The following IGSF9B variants were observed in gnomAD, a reference collection of about 807,000 sequenced individuals.
The protein encoded by IGSF9B is protein turtle homolog B.
Under a neutral mutation model 143.7 loss-of-function variants are expected in IGSF9B, and 48 were observed. The observed-to-expected ratio is 0.33, with a 90% CI of 0.26 to 0.42. The LOEUF (loss-of-function observed/expected upper bound fraction) is 0.42. Ranked by LOEUF, IGSF9B falls within the 20% of genes least tolerant of loss-of-function variation. The pLI is 1.00. For missense variants in IGSF9B, 1,706 were observed against 1,980.0 expected (o/e 0.86, Z 2.63); for synonymous variants, 903 against 833.1 (o/e 1.08, Z -1.44).
chr11:133,930,347 G>A (rs1418731620), intron 11 of IGSF9B, among the ~76,000 whole-genome samples: 4 of 152,076 alleles, frequency 2.6e-5, no homozygotes, highest in African/African-American at 7.2e-5. Flanking sequence ...ACCCCAGCTC[G>A]CACCTCCCGA....
Position 133,908,336 on chromosome 11 carries a change from T to C in IGSF9B, c.*733A>G, listed in dbSNP as rs141433513. On this transcript the variant is annotated 3_prime_UTR_variant, in exon 20 of 20. Transcript: ENST00000533871. ...GCAGTAACTCATTACTGAACCCCCA[T>C]AGAAGGCAGCCGGTAATCACAGCAA... Among the ~76,000 whole-genome samples the C allele has an allele frequency of 1.9e-3, 286 of 152,002 alleles. 1 individual carries two copies. Among genetic ancestry groups the C allele is most frequent in the African/African-American group, 6.5e-3 (270 of 41,454 alleles).
intron 4 of IGSF9B, 76 bp from the exon 5 acceptor site, chr11:133,937,569 G>A: frequency 8.1e-7 from 1 of 1,229,410 alleles, no homozygotes; most frequent in Non-Finnish European, 1.2e-6. Flanking sequence ...CGGAGATGCA[G>A]TCGGAGACAC....
At position 133,900,730 on chromosome 11, in the gene IGSF9B, A is replaced by G. The variant is rs1007193003; in HGVS notation, c.*8339T>C. The G allele has an allele frequency of 2.0e-5, 3 of 152,300 alleles. No homozygotes were observed. Among genetic ancestry groups the G allele is most frequent in the Non-Finnish European group, 2.9e-5 (2 of 68,044 alleles). The allele number at this position is 152,300 out of a possible 1,614,324, so 9.4% of individuals were successfully genotyped here. On this transcript the variant is annotated 3_prime_UTR_variant, in exon 20 of 20. Transcript: ENST00000533871. The stretch of plus-strand genomic sequence containing the variant: ...AATTAAAAATAACTGAAAAAAACAT[A>G]GATGACATATTTATACTACATACCA...
At chr11:133,919,509 G>A (rs994124219) in intron 18 of IGSF9B, among the ~76,000 whole-genome samples, 2 of 152,198 alleles carry the variant, frequency 1.3e-5, no homozygotes, top group Non-Finnish European at 1.5e-5. Flanking sequence ...AGGGCTTGCC[G>A]GAGAAGACGC....
chr11:133,918,586 G>T (rs889201119), intron 18 of IGSF9B, among the ~76,000 whole-genome samples: 2 of 152,174 alleles, frequency 1.3e-5, no homozygotes, highest in Non-Finnish European at 2.9e-5. Flanking sequence ...CCCCTTCCTC[G>T]GCCGGCCCCG....
chr11:133,941,323 T>C (rs1204266318), intron 3 of IGSF9B, among the ~76,000 whole-genome samples: 1 of 152,224 alleles, frequency 6.6e-6, no homozygotes, highest in Non-Finnish European at 1.5e-5. Context: ...TGGGGTATTT[T>C]ATATGTGATA....
chr11:133,935,993 G>T, intron 6 of IGSF9B, 60 bp downstream of exon 6: 1 of 1,581,936 alleles, frequency 6.3e-7, no homozygotes, highest in Non-Finnish European at 8.6e-7. Flanking sequence ...TCTGCTCAGG[G>T]GCCCTGCCCG....
At chr11:133,919,407 C>T (rs532014643) in intron 18 of IGSF9B, among the ~76,000 whole-genome samples, 264 of 152,298 alleles carry the variant, frequency 1.7e-3, no homozygotes, top group African/African-American at 6.0e-3. Context: ...ACTCGGAGAG[C>T]CGTCAACTCC....
chr11:133,954,577 T>G (rs566232595), intron 1 of IGSF9B, among the ~76,000 whole-genome samples: 1 of 152,310 alleles, frequency 6.6e-6, no homozygotes, highest in Non-Finnish European at 1.5e-5. Flanking sequence ...GTTGTTTTGT[T>G]TCCTTATAAC....
intron 3 of IGSF9B, among the ~76,000 whole-genome samples, chr11:133,942,701 G>A (rs560489112): frequency 7.2e-5 from 11 of 152,162 alleles, no homozygotes; most frequent in African/African-American, 1.9e-4. Context: ...AGGTTTTAGC[G>A]GCAGATTTGC....
At chr11:133,951,204 G>C (rs553067172) in intron 1 of IGSF9B, among the ~76,000 whole-genome samples, 5 of 152,314 alleles carry the variant, frequency 3.3e-5, no homozygotes, top group East Asian at 1.9e-4. Context: ...CCAAAACGCC[G>C]ACGGTGTCCT....
Position 133,931,155 on chromosome 11 carries a change from G to A in IGSF9B, c.1369-21C>T. ...CCTACCTTGGTGAACAAGGGGCAGGGAAGAGGGTGGGAACAGAAATGGGGG... is the reference window on the plus strand; with the variant it reads ...CCTACCTTGGTGAACAAGGGGCAGGAAAGAGGGTGGGAACAGAAATGGGGG... On this transcript the variant is annotated intron_variant, in intron 10 of 19. Coordinates refer to ENST00000533871, the MANE Select transcript of IGSF9B (RefSeq NM_001277285.4). The surrounding 1 kb of genome is among the most constrained non-coding windows in gnomAD (Gnocchi z 7.7). The A allele has an allele frequency of 6.2e-7, 1 of 1,604,436 alleles. No individual in the cohort carries two copies. The highest frequency in any genetic ancestry group is 8.5e-7 in the Non-Finnish European group (1 of 1,174,082).
intron 1 of IGSF9B, among the ~76,000 whole-genome samples, chr11:133,946,972 CA>C (rs1186617373): frequency 6.6e-6 from 1 of 152,208 alleles, no homozygotes; most frequent in Non-Finnish European, 1.5e-5. Flanking sequence ...GGGAGGGGCC[CA>C]AGCCCCAGAC....
chr11:133,940,194 AAC>A (rs1239716365), intron 3 of IGSF9B, among the ~76,000 whole-genome samples: 34 of 130,264 alleles, frequency 2.6e-4, no homozygotes, highest in African/African-American at 5.4e-4. Flanking sequence ...CGCACGCAAA[AAC>A]ACACACCTCG....
At chr11:133,940,678 C>T (rs1461163341) in intron 3 of IGSF9B, among the ~76,000 whole-genome samples, 4 of 149,448 alleles carry the variant, frequency 2.7e-5, no homozygotes, top group African/African-American at 9.9e-5. Context: ...CACGTCCTCG[C>T]ACGTGTCATC....
intron 3 of IGSF9B, 25 bp downstream of exon 3, chr11:133,944,195 A>G (rs372957200): frequency 6.2e-5 from 98 of 1,576,534 alleles, no homozygotes; most frequent in Non-Finnish European, 8.3e-5. Context: ...GGTGAGGTGG[A>G]CCCACCCTGG....
rs1037225613 is a variant in IGSF9B, at chr11:133,931,909, C to T, written c.1111-114G>A. On this transcript the variant is annotated intron_variant, in intron 8 of 19. Transcript: ENST00000533871. The surrounding 1 kb of genome is among the most constrained non-coding windows in gnomAD (Gnocchi z 7.7). ...GCAGGATAGTACAGGAGCTCCAGCCCGGGGCGGGCGGCACCCGCAGACCCC... is the reference window on the plus strand; with the variant it reads ...GCAGGATAGTACAGGAGCTCCAGCCTGGGGCGGGCGGCACCCGCAGACCCC... 4.4e-5 allele frequency: 66 copies of T among 1,509,028 alleles called. No homozygotes were observed. Among genetic ancestry groups the T allele is most frequent in the African/African-American group, 1.5e-4 (11 of 71,036 alleles). 93.5% of individuals were successfully genotyped at this position (1,509,028 alleles called of 1,614,324 possible).
At chr11:133,917,242 C>T (rs1180799233) in intron 18 of IGSF9B, among the ~76,000 whole-genome samples, 1 of 152,184 alleles carries the variant, frequency 6.6e-6, no homozygotes, top group Non-Finnish European at 1.5e-5. Context: ...GCGGCAGCAC[C>T]TTGTCAGGCT....
At position 133,911,982 on chromosome 11, in the gene IGSF9B, C is replaced by T. The variant is rs113340055; in HGVS notation, c.4009G>A (p.Ala1337Thr). 1.8e-3 allele frequency: 2,788 copies of T among 1,532,606 alleles called. 41 individuals are homozygous for T. The African/African-American group carries it at 0.034, about 19-fold the overall frequency. The allele number at this position is 1,532,606 out of a possible 1,614,324, so 94.9% of individuals were successfully genotyped here. A position where few individuals can be genotyped will look rare whatever the true frequency, so the allele number is the denominator to read the frequency against. ...GCCTCCAGCCTCTCAGGCGCAGCAG[C>T]GTTCCCGGGTGCAGGTGGAAGTGTT... Reference protein sequence around the residue: ...SGTLPPAPGNAAAPERLEALK... With the variant: ...SGTLPPAPGNTAAPERLEALK... Residue 1337 changes from alanine to threonine, a missense_variant, in exon 19 of 20, where the codon GCT becomes ACT. Ala to Thr is a moderately conservative substitution (Grantham distance 58). Around this residue, in one of 7 missense-constraint regions of IGSF9B, gnomAD observed 880 missense variants for 762.9 expected, o/e 1.15. Transcript: ENST00000533871.
Sources: gnomAD v4.1 joint callset for allele counts (sites outside exome capture counted in the v4.1 genomes callset) on GRCh38, gnomAD v4.1.1 for gene constraint, gnomAD v4.1.1 regional missense constraint, Gnocchi (gnomAD v3.1) non-coding constraint, MANE v1.5 for transcripts, NCBI Gene and HGNC (gene_info 2026-07-23, HGNC 2026-07-21) for gene names.